KSR2: variants seen among roughly 807,000 people sequenced by gnomAD.
KSR2 encodes kinase suppressor of ras 2.
A neutral mutation model predicts 107.8 loss-of-function variants in KSR2; 25 were observed. That is an observed-to-expected ratio of 0.23 (90% confidence interval 0.17 to 0.32). The LOEUF is 0.32. Ranked by LOEUF, KSR2 falls within the 10% of genes least tolerant of loss-of-function variation. The pLI is 1.00. For missense variants in KSR2, 887 were observed against 1,268.9 expected, an observed-to-expected ratio of 0.70 and a Z score of 4.57; for synonymous variants, 480 against 507.0, an observed-to-expected ratio of 0.95 and a Z score of 0.71.
At chr12:117,905,902 A>T (rs1288753098) in intron 1 of KSR2, among the ~76,000 whole-genome samples, 2 of 151,976 alleles carry the variant, frequency 1.3e-5, no homozygotes, top group African/African-American at 4.8e-5. Flanking sequence ...GTAGGACGAT[A>T]GTACATAATA....
At chr12:117,514,162 AG>A (rs1874215554) in intron 14 of KSR2, among the ~76,000 whole-genome samples, 1 of 152,258 alleles carries the variant, frequency 6.6e-6, no homozygotes, top group South Asian at 2.1e-4. Flanking sequence ...GTTGGTAAAT[AG>A]TGAAAGCTGT....
At chr12:117,890,066 T>G (rs1371073845) in intron 1 of KSR2, among the ~76,000 whole-genome samples, 1 of 152,240 alleles carries the variant, frequency 6.6e-6, no homozygotes, top group African/African-American at 2.4e-5. Context: ...TCAGTAGGTC[T>G]GGGGAACCAT....
chr12:117,829,778 G>A (rs1891890814), intron 3 of KSR2, among the ~76,000 whole-genome samples: 1 of 152,222 alleles, frequency 6.6e-6, no homozygotes, highest in African/African-American at 2.4e-5. Context: ...AGATGTGACT[G>A]TGTACCAGTA....
At chr12:117,753,358 T>G (rs1888674074) in intron 4 of KSR2, among the ~76,000 whole-genome samples, 1 of 152,176 alleles carries the variant, frequency 6.6e-6, no homozygotes, top group Admixed American at 6.5e-5. Flanking sequence ...TTTCCTGTCT[T>G]TCCCCAATAA....
intron 5 of KSR2, among the ~76,000 whole-genome samples, chr12:117,623,362 C>T (rs1242119572): frequency 6.6e-6 from 1 of 152,158 alleles, no homozygotes; most frequent in Non-Finnish European, 1.5e-5. Context: ...GGTATTTCTC[C>T]TAATGCTATC....
chr12:117,885,982 G>C (rs1409682934), intron 1 of KSR2, among the ~76,000 whole-genome samples: 1 of 151,900 alleles, frequency 6.6e-6, no homozygotes, highest in Non-Finnish European at 1.5e-5. Flanking sequence ...TGTAGCCCCA[G>C]CTACTCAGGA....
At chr12:117,933,451 G>A (rs775988086) in intron 1 of KSR2, among the ~76,000 whole-genome samples, 5 of 152,052 alleles carry the variant, frequency 3.3e-5, no homozygotes, top group Non-Finnish European at 7.4e-5. Context: ...TTAGCCGGGT[G>A]TGGTGGCGGG....
At chr12:117,509,341 C>T (rs780749031) in intron 14 of KSR2, among the ~76,000 whole-genome samples, 6 of 152,132 alleles carry the variant, frequency 3.9e-5, no homozygotes, top group Admixed American at 2.6e-4. Context: ...CAAACAGCAC[C>T]GTGTTTTCCC....
chr12:117,571,750 G>A (rs1878909125), intron 7 of KSR2, among the ~76,000 whole-genome samples: 1 of 152,164 alleles, frequency 6.6e-6, no homozygotes. Flanking sequence ...TAGTTGATCA[G>A]ACCCTTCGAA....
chr12:117,931,601 A>G (rs1325593012), intron 1 of KSR2, among the ~76,000 whole-genome samples: 1 of 152,162 alleles, frequency 6.6e-6, no homozygotes, highest in African/African-American at 2.4e-5. Context: ...AACAATTTAG[A>G]GCTGAAAGCT....
chr12:117,947,257 G>GAAAGAAAGAAAGAAAGA lies in KSR2; in HGVS notation c.180+20818_180+20819insTCTTTCTTTCTTTCTTT, dbSNP rs1555260494. On this transcript the variant is annotated intron_variant, in intron 1 of 19. Transcript: ENST00000339824. ...AGAAAGAAAGAAAGAAAGAAAGAAA[G>GAAAGAAAGAAAGAAAGA]AAGATAAACCACATGACCATACTAA... is the stretch of plus-strand genomic sequence containing the variant. Among the ~76,000 whole-genome samples, 180 of 118,688 alleles carry GAAAGAAAGAAAGAAAGA rather than the reference G, an allele frequency of 1.5e-3. 1 individual carries two copies. Among genetic ancestry groups the GAAAGAAAGAAAGAAAGA allele is most frequent in the Middle Eastern group, 4.3e-3 (1 of 232 alleles). 77.9% of individuals were successfully genotyped at this position (118,688 alleles called of 152,430 possible).
chr12:117,682,213 A>G (rs758694377), intron 4 of KSR2, among the ~76,000 whole-genome samples: 3 of 152,198 alleles, frequency 2.0e-5, no homozygotes, highest in Non-Finnish European at 4.4e-5. Context: ...GTGGGAGCTG[A>G]ACAATGAGAA....
intron 3 of KSR2, among the ~76,000 whole-genome samples, chr12:117,847,051 T>C (rs1482315416): frequency 1.3e-5 from 2 of 152,216 alleles, no homozygotes; most frequent in Non-Finnish European, 2.9e-5. Context: ...GCTATCTACA[T>C]GTAAGGGATT....
chr12:117,676,823 T>C (rs528978248), intron 4 of KSR2, among the ~76,000 whole-genome samples: 15 of 152,282 alleles, frequency 9.9e-5, no homozygotes, highest in African/African-American at 3.6e-4. Flanking sequence ...TGAGGGCCCA[T>C]GTCTGCAAAA....
At chr12:117,823,019 G>A (rs767277845) in intron 3 of KSR2, among the ~76,000 whole-genome samples, 2 of 151,864 alleles carry the variant, frequency 1.3e-5, no homozygotes, top group Admixed American at 6.6e-5. Flanking sequence ...GAATATGAAC[G>A]TCCAATCAGA....
intron 4 of KSR2, among the ~76,000 whole-genome samples, chr12:117,711,887 G>C (rs968678709): frequency 6.6e-6 from 1 of 152,206 alleles, no homozygotes; most frequent in Non-Finnish European, 1.5e-5. Context: ...AGTTGCCCCA[G>C]AAGTGTGGGG....
intron 1 of KSR2, among the ~76,000 whole-genome samples, chr12:117,872,200 A>G (rs1355687100): frequency 6.6e-6 from 1 of 152,178 alleles, no homozygotes; most frequent in African/African-American, 2.4e-5. Context: ...AAAACAGAGA[A>G]CCACAGGGTT....
intron 3 of KSR2, among the ~76,000 whole-genome samples, chr12:117,830,166 G>A (rs2137110548): frequency 6.6e-6 from 1 of 152,250 alleles, no homozygotes; most frequent in African/African-American, 2.4e-5. Context: ...TACTCGGGAG[G>A]CTGGGGCAGG....
intron 7 of KSR2, among the ~76,000 whole-genome samples, chr12:117,566,174 C>T (rs1207674255): frequency 2.0e-5 from 3 of 152,096 alleles, no homozygotes; most frequent in Non-Finnish European, 2.9e-5. Flanking sequence ...CAGGCTGAAG[C>T]GCAGTGGTGC....
Sources: gnomAD v4.1 joint callset for allele counts (sites outside exome capture counted in the v4.1 genomes callset) on GRCh38, gnomAD v4.1.1 for gene constraint, MANE v1.5 for transcripts, NCBI Gene and HGNC (gene_info 2026-07-23, HGNC 2026-07-21) for gene names.